The following PRKG1 variants were observed in gnomAD, a reference collection of about 807,000 sequenced individuals.
The protein encoded by PRKG1 is protein kinase cGMP-dependent 1, also known as cGMP-dependent protein kinase 1.
A neutral mutation model predicts 88.1 loss-of-function variants in PRKG1; 35 were observed. The ratio of observed to expected loss-of-function variants is 0.40; its 90% CI spans 0.30 to 0.53. The LOEUF (loss-of-function observed/expected upper bound fraction) is 0.53. Among genes scored for constraint, PRKG1 ranks in the 20% least tolerant of loss-of-function variants. PRKG1 has a pLI of 0.59. For synonymous variants in PRKG1, 303 were observed against 292.5 expected (o/e 1.04, Z -0.37); for missense variants, 540 against 839.8 (o/e 0.64, Z 4.41).
intron 4 of PRKG1, among the ~76,000 whole-genome samples, chr10:51,855,669 A>T (rs1840662291): frequency 1.3e-5 from 2 of 152,214 alleles, no homozygotes; most frequent in African/African-American, 4.8e-5. Flanking sequence ...ACTTAAAAAT[A>T]AGGTGACCAA....
chr10:51,386,900 C>G lies in PRKG1; in HGVS notation c.479-80823C>G, dbSNP rs184416385. 3.9e-5 allele frequency among the ~76,000 whole-genome samples: 6 copies of G among 152,216 alleles called. No homozygotes were observed. In the East Asian group the frequency reaches 1.2e-3, roughly 29 times the overall value. On this transcript the variant is annotated intron_variant, in intron 2 of 17. Transcript: ENST00000373980. Reference sequence around the variant, plus strand: ...TCATGTTCATTGCTTATCAATTCACCTCTTTCTTAAGACCTCATAAGAAAA... The same window carrying G: ...TCATGTTCATTGCTTATCAATTCACGTCTTTCTTAAGACCTCATAAGAAAA...
At chr10:51,614,741 T>G (rs1204213445) in intron 3 of PRKG1, among the ~76,000 whole-genome samples, 2 of 152,076 alleles carry the variant, frequency 1.3e-5, no homozygotes, top group East Asian at 3.8e-4. Flanking sequence ...TTCATGATGG[T>G]AAATGTCATT....
chr10:51,548,821 C>T (rs1842507401), intron 3 of PRKG1, among the ~76,000 whole-genome samples: 1 of 152,048 alleles, frequency 6.6e-6, no homozygotes, highest in East Asian at 1.9e-4. Context: ...TCCTTTGATT[C>T]ACATAAAACT....
rs550334324 is a variant in PRKG1, at chr10:51,212,433, A to T, written c.478+59103A>T. Among the ~76,000 whole-genome samples, 3 of 152,340 alleles carry T rather than the reference A, an allele frequency of 2.0e-5. No individual in the cohort carries two copies. The South Asian group carries it at 6.2e-4, about 32-fold the overall frequency. ...AAGGACTTCATATCTAAAACACCAA[A>T]AGCAATGGCAACAAAAGCCAAAATT... On this transcript the variant is annotated intron_variant, in intron 2 of 17. Coordinates refer to ENST00000373980, the MANE Select transcript of PRKG1 (RefSeq NM_006258.4).
At chr10:51,824,201 G>T (rs923212609) in intron 4 of PRKG1, among the ~76,000 whole-genome samples, 4 of 152,084 alleles carry the variant, frequency 2.6e-5, no homozygotes, top group Non-Finnish European at 4.4e-5. Context: ...ATATCCATAT[G>T]ATAAATTCCT....
At chr10:50,994,171 A>G (rs947648146) in intron 1 of PRKG1, among the ~76,000 whole-genome samples, 1 of 152,126 alleles carries the variant, frequency 6.6e-6, no homozygotes, top group African/African-American at 2.4e-5. Flanking sequence ...GACAGGTATA[A>G]TATATGGGGA....
chr10:51,403,645 T>C (rs1837821678), intron 2 of PRKG1, among the ~76,000 whole-genome samples: 1 of 152,152 alleles, frequency 6.6e-6, no homozygotes, highest in South Asian at 2.1e-4. Context: ...AGGTCTCCTT[T>C]TTAAATAAAT....
intron 2 of PRKG1, among the ~76,000 whole-genome samples, chr10:51,204,773 A>G (rs1322234203): frequency 6.6e-6 from 1 of 152,160 alleles, no homozygotes; most frequent in East Asian, 1.9e-4. Flanking sequence ...TCCTTGAGGC[A>G]TAGTGAGATG....
At chr10:51,255,809 A>G (rs1839542844) in intron 2 of PRKG1, among the ~76,000 whole-genome samples, 1 of 152,100 alleles carries the variant, frequency 6.6e-6, no homozygotes, top group Admixed American at 6.6e-5. Context: ...ATAAGGGTCT[A>G]CTTTCCTGAG....
At chr10:51,950,565 T>C (rs7905683) in intron 5 of PRKG1, among the ~76,000 whole-genome samples, 37,138 of 152,228 alleles carry the variant, frequency 0.24, 6,799 homozygotes, top group African/African-American at 0.51. Flanking sequence ...TGGCTGGCCA[T>C]TCCAAGCACA....
chr10:52,076,760 TA>T (rs1589584593), intron 7 of PRKG1, among the ~76,000 whole-genome samples: 1 of 152,190 alleles, frequency 6.6e-6, no homozygotes, highest in South Asian at 2.1e-4. Flanking sequence ...CCTAATTTTT[TA>T]AAACATCCAA....
chr10:51,524,838 G>A (rs996087498), intron 3 of PRKG1, among the ~76,000 whole-genome samples: 4 of 152,060 alleles, frequency 2.6e-5, no homozygotes, highest in Admixed American at 6.5e-5. Context: ...TACTTTTTTG[G>A]TACGAAGGCT....
At chr10:52,208,409 T>C (rs143399105) in intron 9 of PRKG1, among the ~76,000 whole-genome samples, 78 of 152,332 alleles carry the variant, frequency 5.1e-4, no homozygotes, top group African/African-American at 1.8e-3. Flanking sequence ...AACAATTCTG[T>C]ATAGCATAAA....
At chr10:51,905,571 G>C in intron 4 of PRKG1, among the ~76,000 whole-genome samples, 1 of 152,044 alleles carries the variant, frequency 6.6e-6, no homozygotes, top group East Asian at 1.9e-4. Context: ...TTTCCAGTGA[G>C]GTTTCAGGAA....
chr10:51,049,730 C>A (rs1327837861), intron 1 of PRKG1, among the ~76,000 whole-genome samples: 2 of 152,174 alleles, frequency 1.3e-5, no homozygotes, highest in Non-Finnish European at 2.9e-5. Context: ...CTAGTGACAC[C>A]TTCACAGGGT....
At chr10:52,011,427 T>C (rs1383620520) in intron 5 of PRKG1, among the ~76,000 whole-genome samples, 1 of 151,928 alleles carries the variant, frequency 6.6e-6, no homozygotes, top group Non-Finnish European at 1.5e-5. Flanking sequence ...CTACAAAAGG[T>C]TTCTCCTTTT....
At chr10:51,745,737 G>A (rs1837560044) in intron 3 of PRKG1, among the ~76,000 whole-genome samples, 1 of 152,146 alleles carries the variant, frequency 6.6e-6, no homozygotes. Flanking sequence ...GGCTGGGCGT[G>A]GTGTCTCACG....
chr10:51,628,832 G>A (rs1254833072), intron 3 of PRKG1, among the ~76,000 whole-genome samples: 1 of 151,818 alleles, frequency 6.6e-6, no homozygotes, highest in African/African-American at 2.4e-5. Context: ...GGTGGCGGGC[G>A]CCTGTGGTCC....
At chr10:52,276,772 T>G (rs907991259) in intron 12 of PRKG1, among the ~76,000 whole-genome samples, 1 of 152,182 alleles carries the variant, frequency 6.6e-6, no homozygotes, top group Non-Finnish European at 1.5e-5. Context: ...CAAATTTACA[T>G]TGTCATTTCC....
Sources: allele counts gnomAD v4.1 joint callset (sites outside exome capture counted in the v4.1 genomes callset), GRCh38; gene constraint gnomAD v4.1.1; transcripts MANE v1.5; gene names NCBI Gene and HGNC (gene_info 2026-07-23, HGNC 2026-07-21).